Variants in MEF2D observed in about 807,000 individuals in gnomAD.
MEF2D encodes the protein myocyte enhancer factor 2D.
Under a neutral mutation model 59.3 loss-of-function variants are expected in MEF2D, and 10 were observed. That is an observed-to-expected ratio of 0.17 (90% CI 0.10 to 0.29). MEF2D has a LOEUF of 0.29. Among genes scored for constraint, MEF2D ranks in the 10% least tolerant of loss-of-function variants. The pLI is 1.00. For synonymous variants in MEF2D, 305 were observed against 295.0 expected (o/e 1.03, Z -0.35); for missense variants, 508 against 699.4 (o/e 0.73, Z 3.09).
chr1:156,495,388 G>A (rs1340104453), intron 1 of MEF2D, among the ~76,000 whole-genome samples: 6 of 152,170 alleles, frequency 3.9e-5, no homozygotes, highest in Non-Finnish European at 1.5e-5. Context: ...AACAGTTTTA[G>A]AGAGAAACAG....
chr1:156,464,430 T>G lies in MEF2D; in HGVS notation c.*3215A>C, dbSNP rs1571203564. 1 of 117,942 alleles carries G rather than the reference T, an allele frequency of 8.5e-6. No individual in the cohort carries two copies. Among genetic ancestry groups the G allele is most frequent in the African/African-American group, 3.4e-5 (1 of 29,728 alleles). 7.3% of individuals were successfully genotyped at this position (117,942 alleles called of 1,614,324 possible). On this transcript the variant is annotated 3_prime_UTR_variant, in exon 12 of 12. Transcript: ENST00000348159. Reference sequence around the variant, plus strand: ...TGTGCTGTTGAGGGGGGGAGAATGGTGTGTTCCACTGAGGTGGTGGGGGGG... The same window carrying G: ...TGTGCTGTTGAGGGGGGGAGAATGGGGTGTTCCACTGAGGTGGTGGGGGGG...
chr1:156,475,276 G>A (rs534124311), intron 8 of MEF2D, 39 bp from the exon 9 acceptor site: 5 of 1,548,538 alleles, frequency 3.2e-6, no homozygotes, highest in Admixed American at 3.9e-5. Flanking sequence ...TGGCTGACAG[G>A]TGGGCAGCTT....
rs201721675 is a variant in MEF2D at position 156,468,836 on chromosome 1, C to A, written c.1191G>T (p.Pro397=). The change falls in exon 10 of 12, where the codon CCG becomes CCT. Residue 397 remains proline (P), a synonymous_variant. Transcript: ENST00000348159. The surrounding 1 kb of genome is among the most constrained non-coding windows in gnomAD (Gnocchi z 4.3). The part of the protein sequence containing the change: ...QQPQPQQPQQ[P]QQPPQQQSHL... Reference sequence around the variant, plus strand: ...GGGACTGTTGCTGAGGTGGCTGTTGCGGCTGCTGAGGCTGCTGTGGCTGTG... The same window carrying A: ...GGGACTGTTGCTGAGGTGGCTGTTGAGGCTGCTGAGGCTGCTGTGGCTGTG... 1.2e-5 allele frequency: 19 copies of A among 1,614,102 alleles called. No homozygotes were observed. In the East Asian group the frequency reaches 4.2e-4, roughly 36 times the overall value.
chr1:156,484,434 T>C (rs1672217607), intron 1 of MEF2D, among the ~76,000 whole-genome samples: 1 of 152,190 alleles, frequency 6.6e-6, no homozygotes, highest in Non-Finnish European at 1.5e-5. Context: ...CCAATACAAC[T>C]ATATTTACAA....
At chr1:156,467,964 G>A (rs1221070428) in intron 11 of MEF2D, 29 bp downstream of exon 11, 1 of 1,591,728 alleles carries the variant, frequency 6.3e-7, no homozygotes, top group Admixed American at 1.7e-5. Flanking sequence ...AGCAGACACT[G>A]GCAGACAGGA....
chr1:156,485,101 G>A (rs532866143), intron 1 of MEF2D, among the ~76,000 whole-genome samples: 2 of 152,206 alleles, frequency 1.3e-5, no homozygotes, highest in East Asian at 3.9e-4. Flanking sequence ...CCCATGCCCA[G>A]AGACCCTACT....
At chr1:156,480,348 C>A (rs1007780916) in intron 4 of MEF2D, among the ~76,000 whole-genome samples, 9 of 152,126 alleles carry the variant, frequency 5.9e-5, no homozygotes, top group African/African-American at 2.2e-4. Flanking sequence ...CCTCTCCCCC[C>A]AAAAAAACAT....
At chr1:156,495,725 G>A (rs566623881) in intron 1 of MEF2D, among the ~76,000 whole-genome samples, 63 of 139,080 alleles carry the variant, frequency 4.5e-4, no homozygotes, top group African/African-American at 1.7e-3. Context: ...TGGGCAAGAG[G>A]GGTAATGCTG....
intron 9 of MEF2D, 105 bp downstream of exon 9, chr1:156,475,003 C>G (rs1217804739): frequency 3.3e-6 from 5 of 1,516,222 alleles, no homozygotes; most frequent in Non-Finnish European, 4.5e-6. Context: ...AAATCAGTAG[C>G]CCTCCTCAGA....
At position 156,471,310 on chromosome 1, in the gene MEF2D, T is replaced by C. The variant is rs189041945; in HGVS notation, c.1007-2290A>G. Among the ~76,000 whole-genome samples the C allele has an allele frequency of 2.6e-5, 4 of 152,306 alleles. No individual in the cohort carries two copies. The East Asian group carries it at 7.7e-4, about 29-fold the overall frequency. ...CACGCCCAGCTAATTTTTGTATTTTTAGTAGAGACGGGGTTTTACCACGTT... is the reference window on the plus strand; with the variant it reads ...CACGCCCAGCTAATTTTTGTATTTTCAGTAGAGACGGGGTTTTACCACGTT... On this transcript the variant is annotated intron_variant, in intron 9 of 11. Coordinates refer to ENST00000348159, the MANE Select transcript of MEF2D (RefSeq NM_005920.4).
chr1:156,469,043 T>A (rs1267613635), intron 9 of MEF2D, 23 bp from the exon 10 acceptor site: 1 of 1,575,504 alleles, frequency 6.3e-7, no homozygotes, highest in African/African-American at 1.3e-5. Context: ...AAAGTGAGGA[T>A]GAACCTGGAG....
At chr1:156,472,370 G>A (rs1671285014) in intron 9 of MEF2D, among the ~76,000 whole-genome samples, 1 of 152,174 alleles carries the variant, frequency 6.6e-6, no homozygotes, top group African/African-American at 2.4e-5. Context: ...CGTAGCCTGG[G>A]GCTGGGCACA....
chr1:156,475,708 T>C (rs1446344908), intron 8 of MEF2D, among the ~76,000 whole-genome samples: 2 of 152,256 alleles, frequency 1.3e-5, no homozygotes, highest in African/African-American at 2.4e-5. Flanking sequence ...CAGCTCCATC[T>C]GCCGCTGAGT....
At chr1:156,469,073 T>G (rs1256076890) in intron 9 of MEF2D, 53 bp from the exon 10 acceptor site, 2 of 1,547,100 alleles carry the variant, frequency 1.3e-6, no homozygotes, top group East Asian at 4.5e-5. Flanking sequence ...GCACACAGGC[T>G]CCTATGAGGG....
chr1:156,479,023 G>A (rs932050688), intron 6 of MEF2D, among the ~76,000 whole-genome samples: 7 of 152,250 alleles, frequency 4.6e-5, no homozygotes, highest in African/African-American at 1.7e-4. Flanking sequence ...CAAAAACTTG[G>A]GTCTTCCCTT....
chr1:156,492,411 G>A (rs1672858281), intron 1 of MEF2D, among the ~76,000 whole-genome samples: 1 of 152,228 alleles, frequency 6.6e-6, no homozygotes, highest in African/African-American at 2.4e-5. Context: ...CTGGTGACAC[G>A]TGGGAGGGCA....
In MEF2D at chr1:156,466,300, CAAA is replaced by C. The variant is rs147940265; in HGVS notation, c.*1342_*1344del. 1.3e-5 allele frequency: 2 copies of C among 151,038 alleles called. No homozygotes were observed. The highest frequency in any genetic ancestry group is 4.9e-5 in the African/African-American group (2 of 40,914). The allele number at this position is 151,038 out of a possible 1,614,324, so 9.4% of individuals were successfully genotyped here. On this transcript the variant is annotated 3_prime_UTR_variant, in exon 12 of 12. Transcript: ENST00000348159. ...TCATTTCATATCAATACAACAACAA[CAAA>C]AAAAAACAGTTTCCTGGACTGTTAC...
At chr1:156,498,101 T>TAAAAAAAA (rs5777987) in intron 1 of MEF2D, among the ~76,000 whole-genome samples, 7 of 56,034 alleles carry the variant, frequency 1.2e-4, no homozygotes, top group African/African-American at 5.4e-4. Flanking sequence ...CAGGAAAGAT[T>TAAAAAAAA]AAAAAAAAAA....
At chr1:156,498,124 A>AAC (rs1673249594) in intron 1 of MEF2D, among the ~76,000 whole-genome samples, 1 of 150,968 alleles carries the variant, frequency 6.6e-6, no homozygotes, top group African/African-American at 2.4e-5. Flanking sequence ...AAAAAAAAAA[A>AAC]AAACCCTGCT....
Sources: allele counts gnomAD v4.1 joint callset (sites outside exome capture counted in the v4.1 genomes callset), GRCh38; gene constraint gnomAD v4.1.1; non-coding constraint Gnocchi (gnomAD v3.1); transcripts MANE v1.5; gene names NCBI Gene and HGNC (gene_info 2026-07-23, HGNC 2026-07-21).